ERAL1: variants seen among roughly 807,000 people sequenced by gnomAD.
The protein encoded by ERAL1 is Era like 12S mitochondrial rRNA chaperone 1, also known as GTPase Era, mitochondrial.
In ERAL1, 36 loss-of-function variants were observed where a neutral mutation model predicts 53.6. The observed-to-expected ratio is 0.67, with a 90% CI of 0.51 to 0.89. The LOEUF (loss-of-function observed/expected upper bound fraction) is 0.89, where lower values mean the gene tolerates loss of function less well. ERAL1 is among the 40% of genes least tolerant of loss of function. The pLI, the probability that ERAL1 is intolerant of heterozygous loss-of-function variation, is 0.00. For synonymous variants in ERAL1, 215 were observed against 211.8 expected (o/e 1.02, Z -0.13); for missense variants, 512 against 537.5 (o/e 0.95, Z 0.47).
In ERAL1 at chr17:28,860,640, G is replaced by A; in HGVS notation, c.*87G>A. The A allele has an allele frequency of 1.4e-6, 2 of 1,468,964 alleles. No individual in the cohort carries two copies. The highest frequency in any genetic ancestry group is 1.8e-6 in the Non-Finnish European group (2 of 1,112,848). 91.0% of individuals were successfully genotyped at this position (1,468,964 alleles called of 1,614,324 possible). A position where few individuals can be genotyped will look rare whatever the true frequency, so the allele number is the denominator to read the frequency against. On this transcript the variant is annotated 3_prime_UTR_variant, in exon 10 of 10. Coordinates refer to ENST00000254928, the MANE Select transcript of ERAL1 (RefSeq NM_005702.4). ...TCTGTCCTTGGCTGGGGACCCTCCA[G>A]GCACTGGTGAGAGACATGAACACTG...
At position 28,858,959 on chromosome 17, in the gene ERAL1, C is replaced by T. The variant is rs2039274615; in HGVS notation, c.961-5C>T. The T allele has an allele frequency of 6.2e-7, 1 of 1,613,838 alleles. No homozygotes were observed. The highest frequency in any genetic ancestry group is 8.5e-7 in the Non-Finnish European group (1 of 1,180,032). ...GATGCCCATCTATTCCCTCTGTTCCCACAGCAATACCTTCTGACACAGGCC... is the reference window on the plus strand; with the variant it reads ...GATGCCCATCTATTCCCTCTGTTCCTACAGCAATACCTTCTGACACAGGCC... On this transcript the variant is annotated splice_polypyrimidine_tract_variant and splice_region_variant and intron_variant, in intron 7 of 9. Transcript: ENST00000254928.
intron 1 of ERAL1, among the ~76,000 whole-genome samples, chr17:28,855,794 G>GAAA (rs34299509): frequency 7.8e-5 from 11 of 141,070 alleles, no homozygotes; most frequent in Non-Finnish European, 9.2e-5. Flanking sequence ...CCTCCTTCAG[G>GAAA]AAAAAAAAAA....
At chr17:28,857,895 A>G in intron 3 of ERAL1, 44 bp from the exon 4 acceptor site, 1 of 1,611,424 alleles carries the variant, frequency 6.2e-7, no homozygotes, top group Non-Finnish European at 8.5e-7. Context: ...CCCAGTCATA[A>G]TCTTTTCTCC....
At chr17:28,857,003 G>A (rs541394611) in intron 3 of ERAL1, among the ~76,000 whole-genome samples, 4 of 150,858 alleles carry the variant, frequency 2.7e-5, no homozygotes, top group Admixed American at 1.3e-4. Context: ...GAGCCACTGC[G>A]CCTGGCCAGG....
intron 3 of ERAL1, 66 bp downstream of exon 3, chr17:28,856,648 C>T (rs1567918539): frequency 2.1e-6 from 3 of 1,404,608 alleles, no homozygotes; most frequent in Non-Finnish European, 2.0e-6. Context: ...TCTCCCTTAC[C>T]ATCAGCCTTG....
Position 28,859,263 on chromosome 17 carries a change from G to T in ERAL1, c.1171G>T (p.Val391Leu). Residue 391 changes from valine to leucine, a missense_variant, in exon 9 of 10, where the codon GTG (valine) becomes TTG (leucine). Val to Leu is a conservative substitution (Grantham distance 32). Transcript: ENST00000254928. ...GCTGGTTATCCAACAGAAGCTTCTG[G>T]TGCCCAAAGAATCTTATGTGGTAAG... Reference protein sequence around the residue: ...GELVIQQKLLVPKESYVKLLI... With the variant: ...GELVIQQKLLLPKESYVKLLI... The T allele has an allele frequency of 1.2e-6, 2 of 1,614,178 alleles. No homozygotes were observed. The highest frequency in any genetic ancestry group is 1.7e-6 in the Non-Finnish European group (2 of 1,180,036).
chr17:28,859,834 A>T (rs929393263), intron 9 of ERAL1, among the ~76,000 whole-genome samples: 3 of 151,532 alleles, frequency 2.0e-5, no homozygotes, highest in African/African-American at 7.3e-5. Flanking sequence ...ATTTAAAAAA[A>T]TTTTTTTGTA....
Position 28,858,697 on chromosome 17 carries a change from G to C in ERAL1, c.833G>C (p.Cys278Ser). 6.2e-7 allele frequency: 1 copy of C among 1,614,144 alleles called. No homozygotes were observed. Among genetic ancestry groups the C allele is most frequent in the Non-Finnish European group, 8.5e-7 (1 of 1,180,034 alleles). ...QAFHSHPGTH[C>S]PSPAVKDPNT... ...TTCCACTCACACCCTGGCACCCATT[G>C]CCCCAGCCCAGCAGTTAAGGACCCA... The change falls in exon 7 of 10, where the codon TGC becomes TCC. Residue 278 changes from cysteine to serine, a missense_variant. By Grantham distance (112) the Cys-to-Ser change is moderately radical. Transcript: ENST00000254928.
At position 28,859,240 on chromosome 17, in the gene ERAL1, T is replaced by C; in HGVS notation, c.1148T>C (p.Leu383Pro). 1.2e-6 allele frequency: 2 copies of C among 1,614,136 alleles called. No individual in the cohort carries two copies. Among genetic ancestry groups the C allele is most frequent in the Non-Finnish European group, 1.7e-6 (2 of 1,180,028 alleles). ...AVWEEGPGGELVIQQKLLVPK... is the reference protein window; with the variant it reads ...AVWEEGPGGEPVIQQKLLVPK... ...TGGGAGGAAGGACCAGGTGGGGAGC[T>C]GGTTATCCAACAGAAGCTTCTGGTG... The change falls in exon 9 of 10, where the codon CTG becomes CCG. Residue 383 changes from leucine (L) to proline (P), a missense_variant. Coordinates refer to ENST00000254928, the MANE Select transcript of ERAL1 (RefSeq NM_005702.4).
chr17:28,858,274 T>G (rs555329554), intron 5 of ERAL1, 67 bp downstream of exon 5: 11 of 1,610,090 alleles, frequency 6.8e-6, no homozygotes, highest in Non-Finnish European at 9.3e-6. Flanking sequence ...CCTTGGTAGT[T>G]TGGGGGGCAA....
At chr17:28,859,316 G>A (rs1438492238) in intron 9 of ERAL1, 33 bp downstream of exon 9, 1 of 1,606,660 alleles carries the variant, frequency 6.2e-7, no homozygotes. Context: ...GAGAGATCAA[G>A]ACTATGTTAG....
Position 28,859,265 on chromosome 17 carries a change from G to T in ERAL1, c.1173G>T (p.Val391=). ...TGGTTATCCAACAGAAGCTTCTGGT[G>T]CCCAAAGAATCTTATGTGGTAAGTG... ...GELVIQQKLL[V]PKESYVKLLI... The change falls in exon 9 of 10, where the codon GTG becomes GTT. Residue 391 remains valine, a synonymous_variant. Transcript: ENST00000254928. 6.2e-7 allele frequency: 1 copy of T among 1,614,152 alleles called. No individual in the cohort carries two copies. Among genetic ancestry groups the T allele is most frequent in the Non-Finnish European group, 8.5e-7 (1 of 1,180,034 alleles).
intron 3 of ERAL1, among the ~76,000 whole-genome samples, chr17:28,857,689 G>C (rs1352582313): frequency 6.6e-6 from 1 of 152,078 alleles, no homozygotes; most frequent in Non-Finnish European, 1.5e-5. Flanking sequence ...CTACTCAGGA[G>C]GTTGAGGCAG....
chr17:28,859,256 G>C lies in ERAL1; in HGVS notation c.1164G>C (p.Lys388Asn), dbSNP rs770528770. ...GPGGELVIQQ[K>N]LLVPKESYVK... is the part of the protein sequence containing the mutation. ...GTGGGGAGCTGGTTATCCAACAGAA[G>C]CTTCTGGTGCCCAAAGAATCTTATG... The change falls in exon 9 of 10, where the codon AAG (lysine) becomes AAC (asparagine). Residue 388 changes from lysine (K) to asparagine (N), a missense_variant. Lys to Asn is a moderately conservative substitution (Grantham distance 94). Transcript: ENST00000254928. 6.2e-7 allele frequency: 1 copy of C among 1,614,222 alleles called. No individual in the cohort carries two copies. The highest frequency in any genetic ancestry group is 1.1e-5 in the South Asian group (1 of 91,080).
intron 3 of ERAL1, 125 bp from the exon 4 acceptor site, chr17:28,857,814 T>G: frequency 9.0e-7 from 1 of 1,113,970 alleles, no homozygotes; most frequent in East Asian, 2.4e-5. Flanking sequence ...AAAACAAACC[T>G]AAAGTCAATA....
intron 7 of ERAL1, 55 bp downstream of exon 7, chr17:28,858,879 C>A (rs2039273994): frequency 6.8e-6 from 11 of 1,612,032 alleles, no homozygotes; most frequent in Non-Finnish European, 9.3e-6. Context: ...TGAAGACAGC[C>A]CTCAAATTTC....
chr17:28,859,790 T>A (rs991182958), intron 9 of ERAL1, among the ~76,000 whole-genome samples: 2 of 152,006 alleles, frequency 1.3e-5, no homozygotes, highest in Non-Finnish European at 2.9e-5. Context: ...TCCGCCCACC[T>A]CAGCCTCCCA....
chr17:28,860,257 G>A (rs1354959131), intron 9 of ERAL1, among the ~76,000 whole-genome samples, 174 bp from the exon 10 acceptor site: 2 of 152,148 alleles, frequency 1.3e-5, no homozygotes, highest in East Asian at 1.9e-4. Flanking sequence ...GATTACAGGC[G>A]TGAGCCACTG....
intron 1 of ERAL1, 119 bp from the exon 2 acceptor site, chr17:28,856,145 G>A: frequency 8.4e-7 from 1 of 1,196,310 alleles, no homozygotes; most frequent in Non-Finnish European, 1.2e-6. Context: ...AGCTCTAGGT[G>A]ACTTCAACCT....
Sources: allele counts gnomAD v4.1 joint callset (sites outside exome capture counted in the v4.1 genomes callset), GRCh38; gene constraint gnomAD v4.1.1; transcripts MANE v1.5; gene names NCBI Gene and HGNC (gene_info 2026-07-23, HGNC 2026-07-21).